The following KCNMA1 variants were observed in gnomAD, a reference collection of about 807,000 sequenced individuals.
KCNMA1 encodes the protein Calcium-activated potassium channel subunit alpha-1.
In KCNMA1, 29 loss-of-function variants were observed where a neutral mutation model predicts 140.0. The ratio of observed to expected loss-of-function variants is 0.21; its 90% confidence interval spans 0.15 to 0.28. The LOEUF (loss-of-function observed/expected upper bound fraction) is 0.28, where lower values mean the gene tolerates loss of function less well. Ranked by LOEUF, KCNMA1 falls within the 10% of genes least tolerant of loss-of-function variation. The probability of loss-of-function intolerance (pLI) is 1.00; values close to 1 mark genes in which losing one functional copy is unlikely to be tolerated. For synonymous variants in KCNMA1, 612 were observed against 611.9 expected (o/e 1.00, Z 0.00); for missense variants, 880 against 1,602.2 (o/e 0.55, Z 7.70).
At chr10:76,950,099 G>A (rs960323397) in intron 21 of KCNMA1, among the ~76,000 whole-genome samples, 13 of 152,128 alleles carry the variant, frequency 8.5e-5, no homozygotes, top group Admixed American at 3.9e-4. Flanking sequence ...ATGCTCATAC[G>A]TTTAGGTATT....
At chr10:77,191,050 T>C (rs1209417987) in intron 3 of KCNMA1, among the ~76,000 whole-genome samples, 2 of 152,206 alleles carry the variant, frequency 1.3e-5, no homozygotes, top group Non-Finnish European at 2.9e-5. Flanking sequence ...CATATGGATA[T>C]GGATTTTTAT....
At chr10:77,050,494 G>T (rs1157860696) in intron 14 of KCNMA1, among the ~76,000 whole-genome samples, 2 of 152,190 alleles carry the variant, frequency 1.3e-5, no homozygotes, top group African/African-American at 2.4e-5. Context: ...GGTCTCACCA[G>T]TGGATGTGTC....
At chr10:77,201,954 G>A (rs969567235) in intron 3 of KCNMA1, among the ~76,000 whole-genome samples, 1 of 152,132 alleles carries the variant, frequency 6.6e-6, no homozygotes, top group African/African-American at 2.4e-5. Flanking sequence ...ACTATCATGG[G>A]GAAAGCTTGG....
intron 1 of KCNMA1, among the ~76,000 whole-genome samples, chr10:77,514,470 C>G (rs962345147): frequency 1.4e-4 from 22 of 152,122 alleles, no homozygotes; most frequent in African/African-American, 5.3e-4. Context: ...GGTAAGAGAA[C>G]AGCACACAAC....
chr10:77,187,932 C>G (rs1207894458), intron 3 of KCNMA1, among the ~76,000 whole-genome samples: 1 of 151,990 alleles, frequency 6.6e-6, no homozygotes, highest in African/African-American at 2.4e-5. Context: ...TGGAAACAAC[C>G]CATGGAGAAG....
intron 2 of KCNMA1, among the ~76,000 whole-genome samples, chr10:77,343,392 C>T (rs1263511827): frequency 6.6e-6 from 1 of 152,136 alleles, no homozygotes; most frequent in Non-Finnish European, 1.5e-5. Context: ...TAAGATCACA[C>T]AGGTGGGAAG....
chr10:76,887,161 A>T lies in KCNMA1; in HGVS notation c.*105T>A. 6.2e-7 allele frequency: 1 copy of T among 1,609,030 alleles called. No homozygotes were observed. On this transcript the variant is annotated 3_prime_UTR_variant, in exon 28 of 28. Transcript: ENST00000286628. ...CATATGCAAATATGTGTAAAAAAAA[A>T]GGGGGGGACTACAGGGGAAAACAGG... is the stretch of plus-strand genomic sequence containing the variant.
chr10:77,430,667 G>C (rs952293649), intron 1 of KCNMA1, among the ~76,000 whole-genome samples: 1 of 152,166 alleles, frequency 6.6e-6, no homozygotes, highest in Non-Finnish European at 1.5e-5. Context: ...AGTTGAGAAG[G>C]ACCTCACAGT....
At chr10:77,464,110 C>T (rs1396700448) in intron 1 of KCNMA1, among the ~76,000 whole-genome samples, 1 of 152,124 alleles carries the variant, frequency 6.6e-6, no homozygotes. Context: ...AGTCAAAATC[C>T]CTGAGTTCCT....
intron 2 of KCNMA1, among the ~76,000 whole-genome samples, chr10:77,370,556 TA>T (rs1224758973): frequency 6.6e-6 from 1 of 152,112 alleles, no homozygotes; most frequent in Admixed American, 6.5e-5. Flanking sequence ...ACCTTTAGAA[TA>T]AAAAAAGTCA....
At chr10:77,469,181 A>T (rs2098099132) in intron 1 of KCNMA1, among the ~76,000 whole-genome samples, 1 of 152,156 alleles carries the variant, frequency 6.6e-6, no homozygotes, top group South Asian at 2.1e-4. Flanking sequence ...TTCAAAGGCC[A>T]CAATAGGAAC....
At chr10:77,402,210 TC>T (rs1459413783) in intron 2 of KCNMA1, among the ~76,000 whole-genome samples, 3 of 152,056 alleles carry the variant, frequency 2.0e-5, no homozygotes, top group Non-Finnish European at 4.4e-5. Flanking sequence ...CAGAATCCAC[TC>T]CTCTTCAAGC....
At chr10:77,130,408 G>A (rs2097835797) in intron 5 of KCNMA1, among the ~76,000 whole-genome samples, 1 of 152,060 alleles carries the variant, frequency 6.6e-6, no homozygotes, top group Non-Finnish European at 1.5e-5. Context: ...GGTAGGTGAG[G>A]GGTATTAAAT....
At chr10:77,534,122 C>G (rs1029114652) in intron 1 of KCNMA1, among the ~76,000 whole-genome samples, 1 of 152,194 alleles carries the variant, frequency 6.6e-6, no homozygotes, top group African/African-American at 2.4e-5. Context: ...CCTAGCCTGG[C>G]AAACATCCAG....
intron 1 of KCNMA1, among the ~76,000 whole-genome samples, chr10:77,526,937 C>T (rs562353829): frequency 4.9e-4 from 75 of 152,234 alleles, no homozygotes; most frequent in African/African-American, 1.2e-3. Flanking sequence ...TGAGCATGCT[C>T]GCATGTGCAA....
At chr10:77,501,943 G>C (rs1039963443) in intron 1 of KCNMA1, among the ~76,000 whole-genome samples, 9 of 152,112 alleles carry the variant, frequency 5.9e-5, no homozygotes, top group African/African-American at 2.2e-4. Context: ...ATTTCACTGT[G>C]GCTGACTGTG....
intron 22 of KCNMA1, among the ~76,000 whole-genome samples, chr10:76,945,835 C>CAT (rs2063788975): frequency 2.6e-5 from 4 of 151,198 alleles, no homozygotes; most frequent in African/African-American, 9.7e-5. Flanking sequence ...AATAAAATTA[C>CAT]ATATATATAA....
intron 1 of KCNMA1, among the ~76,000 whole-genome samples, chr10:77,411,418 C>A (rs963553075): frequency 6.6e-6 from 1 of 152,090 alleles, no homozygotes; most frequent in Non-Finnish European, 1.5e-5. Flanking sequence ...ATTATACTAT[C>A]GACTACTGTT....
chr10:77,520,691 G>A (rs567483022), intron 1 of KCNMA1, among the ~76,000 whole-genome samples: 3 of 151,972 alleles, frequency 2.0e-5, no homozygotes, highest in African/African-American at 7.3e-5. Flanking sequence ...GTCATCCCAC[G>A]CCATATAAAG....
Sources: gnomAD v4.1 joint callset for allele counts (sites outside exome capture counted in the v4.1 genomes callset) on GRCh38, gnomAD v4.1.1 for gene constraint, MANE v1.5 for transcripts, NCBI Gene and HGNC (gene_info 2026-07-23, HGNC 2026-07-21) for gene names.